SLC71A2: variants seen among roughly 807,000 people sequenced by gnomAD.
The protein encoded by SLC71A2 is hippocampus abundant transcript-like 1.
At chr9:94,383,451 A>G in the SLC71A2 span, among the ~76,000 whole-genome samples, 73,710 of 151,830 alleles carry the variant, frequency 0.49, 18,156 homozygotes, top group East Asian at 0.6. Flanking sequence ...GTGAGCCACC[A>G]TGCCTGGTCT....
At chr9:94,398,224 G>GTT in the SLC71A2 span, among the ~76,000 whole-genome samples, 7 of 142,332 alleles carry the variant, frequency 4.9e-5, no homozygotes, top group Admixed American at 2.1e-4. Flanking sequence ...CCCTATCTTT[G>GTT]TTTTTTTTTA....
At chr9:94,420,113 A>G in the SLC71A2 span, among the ~76,000 whole-genome samples, 1 of 152,100 alleles carries the variant, frequency 6.6e-6, no homozygotes, top group Non-Finnish European at 1.5e-5. Context: ...CCAAGGATGT[A>G]TGAGTGGCTT....
the SLC71A2 span, among the ~76,000 whole-genome samples, chr9:94,425,786 G>C: frequency 1.3e-5 from 2 of 152,106 alleles, no homozygotes; most frequent in African/African-American, 4.8e-5. Context: ...TTGGGAAAGG[G>C]CTATTACTGT....
chr9:94,447,010 A>G, the SLC71A2 span: 1 of 797,062 alleles, frequency 1.3e-6, no homozygotes, highest in South Asian at 1.5e-5. Context: ...AGATATTTTG[A>G]GGAAACCACT....
the SLC71A2 span, among the ~76,000 whole-genome samples, chr9:94,435,270 GC>G: frequency 2.6e-5 from 4 of 152,114 alleles, no homozygotes; most frequent in Non-Finnish European, 5.9e-5. Flanking sequence ...TAGAAGCAAT[GC>G]AAAGAGAAAT....
the SLC71A2 span, among the ~76,000 whole-genome samples, chr9:94,415,571 A>G: frequency 0.013 from 1,926 of 152,178 alleles, 51 homozygotes; most frequent in African/African-American, 0.044. Flanking sequence ...TTTTAGCACT[A>G]GGGACTGGTT....
the SLC71A2 span, among the ~76,000 whole-genome samples, chr9:94,384,295 G>A: frequency 6.8e-6 from 1 of 148,010 alleles, no homozygotes; most frequent in East Asian, 2.0e-4. Flanking sequence ...CTTGCATAAT[G>A]TCCTCAAGGT....
the SLC71A2 span, among the ~76,000 whole-genome samples, chr9:94,406,107 G>T: frequency 4.7e-5 from 4 of 84,550 alleles, no homozygotes; most frequent in Admixed American, 4.0e-4. Context: ...TGTCACTCTT[G>T]CCCAGGCTGG....
At chr9:94,398,437 G>GT in the SLC71A2 span, among the ~76,000 whole-genome samples, 4 of 152,082 alleles carry the variant, frequency 2.6e-5, no homozygotes, top group Admixed American at 6.5e-5. Flanking sequence ...ATGTCTACCT[G>GT]TAAGTGTGCA....
At chr9:94,399,228 C>T in the SLC71A2 span, among the ~76,000 whole-genome samples, 2 of 152,258 alleles carry the variant, frequency 1.3e-5, no homozygotes, top group East Asian at 3.9e-4. Flanking sequence ...TCTGGGATTA[C>T]AAGATACTCC....
At chr9:94,444,138 T>C in the SLC71A2 span, among the ~76,000 whole-genome samples, 1 of 152,250 alleles carries the variant, frequency 6.6e-6, no homozygotes, top group East Asian at 1.9e-4. Flanking sequence ...CTTATAGATA[T>C]GCATTTGACA....
At chr9:94,427,332 A>G in the SLC71A2 span, among the ~76,000 whole-genome samples, 1 of 152,120 alleles carries the variant, frequency 6.6e-6, no homozygotes, top group African/African-American at 2.4e-5. Flanking sequence ...TTTTAAAAGC[A>G]TGGATTGAAC....
the SLC71A2 span, among the ~76,000 whole-genome samples, chr9:94,417,030 T>C: frequency 0.013 from 1,945 of 152,244 alleles, 24 homozygotes; most frequent in Non-Finnish European, 0.019. Flanking sequence ...ATTAGTCCCA[T>C]TTTGAGTTTC....
At chr9:94,456,396 GCA>G in the SLC71A2 span, 9 of 1,372,780 alleles carry the variant, frequency 6.6e-6, no homozygotes, top group Non-Finnish European at 8.3e-6. Context: ...CCTGCTAGAA[GCA>G]GGAGCAGCTC....
the SLC71A2 span, among the ~76,000 whole-genome samples, chr9:94,385,325 C>CT: frequency 6.6e-6 from 1 of 152,180 alleles, no homozygotes; most frequent in South Asian, 2.1e-4. Context: ...TACTATGAAG[C>CT]TTTTGCCCTA....
chr9:94,422,208 A>T, the SLC71A2 span, among the ~76,000 whole-genome samples: 1 of 152,090 alleles, frequency 6.6e-6, no homozygotes, highest in Non-Finnish European at 1.5e-5. Flanking sequence ...TAAATGCTTT[A>T]TGTGTGACTC....
chr9:94,458,214 C>A, the SLC71A2 span: 1 of 912,530 alleles, frequency 1.1e-6, no homozygotes, highest in Non-Finnish European at 1.6e-6. Flanking sequence ...CTCTTTTCCT[C>A]AGTCTTGCCG....
chr9:94,429,900 C>CT, the SLC71A2 span, among the ~76,000 whole-genome samples: 1 of 145,820 alleles, frequency 6.9e-6, no homozygotes, highest in Non-Finnish European at 1.5e-5. Context: ...TTTCCTCATT[C>CT]TTTATTTTAT....
chr9:94,436,915 T>A, the SLC71A2 span, among the ~76,000 whole-genome samples: 2 of 152,228 alleles, frequency 1.3e-5, no homozygotes, highest in African/African-American at 4.8e-5. Context: ...AGAAGAAATG[T>A]CATCCTTCTG....
Sources: gnomAD v4.1 joint callset for allele counts (sites outside exome capture counted in the v4.1 genomes callset) on GRCh38, gnomAD v4.1.1 for gene constraint, MANE v1.5 for transcripts, NCBI Gene and HGNC (gene_info 2026-07-23, HGNC 2026-07-21) for gene names.